GALNTL6: variants seen among roughly 807,000 people sequenced by gnomAD.
GALNTL6 encodes the protein polypeptide N-acetylgalactosaminyltransferase-like 6.
In GALNTL6, 46 loss-of-function variants were observed where a neutral mutation model predicts 73.7. The ratio of observed to expected loss-of-function variants is 0.62; its 90% CI spans 0.49 to 0.80. The LOEUF (loss-of-function observed/expected upper bound fraction) is 0.80. GALNTL6 is among the 30% of genes least tolerant of loss of function. GALNTL6 has a pLI of 0.00. For missense variants in GALNTL6, 604 were observed against 755.0 expected (o/e 0.80, Z 2.34); for synonymous variants, 259 against 263.7 (o/e 0.98, Z 0.17).
At chr4:171,924,161 T>TA (rs201101346) in intron 2 of GALNTL6, among the ~76,000 whole-genome samples, 12 of 142,112 alleles carry the variant, frequency 8.4e-5, no homozygotes, top group East Asian at 2.1e-4. Flanking sequence ...ATAAATTGGT[T>TA]AAAAAAAATA....
At chr4:172,079,904 G>A (rs966513667) in intron 2 of GALNTL6, among the ~76,000 whole-genome samples, 4 of 151,518 alleles carry the variant, frequency 2.6e-5, no homozygotes, top group Non-Finnish European at 5.9e-5. Flanking sequence ...TTTTCTTATG[G>A]AAACAATGTT....
At chr4:172,436,509 A>C (rs1731640445) in intron 5 of GALNTL6, among the ~76,000 whole-genome samples, 1 of 152,050 alleles carries the variant, frequency 6.6e-6, no homozygotes, top group Admixed American at 6.6e-5. Flanking sequence ...CTTTTTCATA[A>C]ACAGAACTTC....
At chr4:172,691,257 T>C (rs1178172079) in intron 5 of GALNTL6, among the ~76,000 whole-genome samples, 2 of 152,066 alleles carry the variant, frequency 1.3e-5, no homozygotes, top group East Asian at 3.9e-4. Flanking sequence ...CATGAATATC[T>C]GGACAGAGGG....
chr4:172,865,711 C>T (rs1401318417), intron 7 of GALNTL6, among the ~76,000 whole-genome samples: 2 of 152,114 alleles, frequency 1.3e-5, no homozygotes, highest in African/African-American at 4.8e-5. Flanking sequence ...TGGCTTCTGT[C>T]ACGTGATTTT....
intron 5 of GALNTL6, among the ~76,000 whole-genome samples, chr4:172,440,980 A>G (rs914902111): frequency 6.6e-6 from 1 of 151,992 alleles, no homozygotes; most frequent in Admixed American, 6.6e-5. Context: ...TAGAGTGTTG[A>G]GTCATATTTA....
chr4:172,785,493 A>C (rs889046418), intron 5 of GALNTL6, among the ~76,000 whole-genome samples: 1 of 152,166 alleles, frequency 6.6e-6, no homozygotes, highest in African/African-American at 2.4e-5. Context: ...ATGGCTATTT[A>C]TTGAGGGCCT....
chr4:171,951,069 C>T (rs1444087206), intron 2 of GALNTL6, among the ~76,000 whole-genome samples: 1 of 152,028 alleles, frequency 6.6e-6, no homozygotes, highest in Non-Finnish European at 1.5e-5. Context: ...GGAATAAACA[C>T]ACTATTTGAA....
rs553453964 is a variant in GALNTL6 at position 172,382,869 on chromosome 4, G to A, written c.553+34180G>A. Among the ~76,000 whole-genome samples, 13 of 151,114 alleles carry A rather than the reference G, an allele frequency of 8.6e-5. No homozygotes were observed. In the South Asian group the frequency reaches 2.8e-3, roughly 32 times the overall value. ...ATAATTGGGTTGAAAAGGCAATTGT[G>A]AAGACTATTTTCACACAATTTTTAA... On this transcript the variant is annotated intron_variant, in intron 5 of 12. Transcript: ENST00000506823.
chr4:172,186,082 T>C (rs1181627573), intron 2 of GALNTL6, among the ~76,000 whole-genome samples: 1 of 152,178 alleles, frequency 6.6e-6, no homozygotes, highest in Non-Finnish European at 1.5e-5. Context: ...TTAAAATTAC[T>C]GTGTGATACA....
chr4:172,074,018 A>T (rs2110907670), intron 2 of GALNTL6, among the ~76,000 whole-genome samples: 1 of 151,918 alleles, frequency 6.6e-6, no homozygotes, highest in Non-Finnish European at 1.5e-5. Context: ...CCTTATCTCT[A>T]CTCCCTCACC....
In GALNTL6 at chr4:172,615,192, A is replaced by T. The variant is rs200501500; in HGVS notation, c.554-194169A>T. Among the ~76,000 whole-genome samples the T allele has an allele frequency of 4.7e-4, 71 of 150,460 alleles. No homozygotes were observed. In the East Asian group the frequency reaches 8.6e-3, roughly 18 times the overall value. ...GCTGTTAATAAGGCAGGTAGTTTAA[A>T]AAAAAAAAAAAAGACTAGTCTAATA... On this transcript the variant is annotated intron_variant, in intron 5 of 12. Coordinates refer to ENST00000506823, the MANE Select transcript of GALNTL6 (RefSeq NM_001034845.3).
At position 172,931,142 on chromosome 4, in the gene GALNTL6, T is replaced by C. The variant is rs753419008; in HGVS notation, c.1042-19T>C. ...TGTGAAATTCACTGTTGTCTTTTGT[T>C]CTATTTTTCCCTCTTCAGGTTTGGA... is the stretch of plus-strand genomic sequence containing the variant. On this transcript the variant is annotated intron_variant, in intron 8 of 12. Coordinates refer to ENST00000506823, the MANE Select transcript of GALNTL6 (RefSeq NM_001034845.3). 4 of 1,344,278 alleles carry C rather than the reference T, an allele frequency of 3.0e-6. No individual in the cohort carries two copies. Among genetic ancestry groups the C allele is most frequent in the Non-Finnish European group, 3.2e-6 (3 of 933,826 alleles). 83.3% of individuals were successfully genotyped at this position (1,344,278 alleles called of 1,614,324 possible). A position where few individuals can be genotyped will look rare whatever the true frequency, so the allele number is the denominator to read the frequency against.
At chr4:172,945,652 A>C (rs1451298016) in intron 9 of GALNTL6, among the ~76,000 whole-genome samples, 1 of 152,220 alleles carries the variant, frequency 6.6e-6, no homozygotes, top group Non-Finnish European at 1.5e-5. Context: ...ACCCTTGTTC[A>C]TGACAGCCCA....
intron 10 of GALNTL6, among the ~76,000 whole-genome samples, chr4:172,982,144 T>G (rs896363300): frequency 2.6e-5 from 4 of 152,172 alleles, no homozygotes; most frequent in African/African-American, 9.7e-5. Context: ...CAGACATCTT[T>G]CCATCTACTT....
At chr4:172,962,316 A>T (rs1037687869) in intron 10 of GALNTL6, among the ~76,000 whole-genome samples, 1 of 152,234 alleles carries the variant, frequency 6.6e-6, no homozygotes, top group Non-Finnish European at 1.5e-5. Flanking sequence ...CCTGACATTT[A>T]CCACATTAAC....
At chr4:172,965,628 AAAAC>A (rs1365954299) in intron 10 of GALNTL6, among the ~76,000 whole-genome samples, 3 of 142,236 alleles carry the variant, frequency 2.1e-5, no homozygotes, top group Non-Finnish European at 4.8e-5. Flanking sequence ...TAAAAAAAAA[AAAAC>A]AATTTTAATT....
intron 2 of GALNTL6, among the ~76,000 whole-genome samples, chr4:171,887,196 G>A (rs1736629508): frequency 6.6e-6 from 1 of 152,244 alleles, no homozygotes; most frequent in Non-Finnish European, 1.5e-5. Flanking sequence ...CCCTTTGTGA[G>A]GGAGGAACTC....
chr4:171,965,093 C>T (rs1421618172), intron 2 of GALNTL6, among the ~76,000 whole-genome samples: 1 of 152,166 alleles, frequency 6.6e-6, no homozygotes, highest in African/African-American at 2.4e-5. Flanking sequence ...TACCATTCTG[C>T]CTTAGAATGC....
intron 5 of GALNTL6, among the ~76,000 whole-genome samples, chr4:172,482,889 A>G (rs1398184077): frequency 6.6e-6 from 1 of 152,228 alleles, no homozygotes; most frequent in Non-Finnish European, 1.5e-5. Flanking sequence ...TAATTCATTT[A>G]TAAAAACTCT....
Sources: allele counts gnomAD v4.1 joint callset (sites outside exome capture counted in the v4.1 genomes callset), GRCh38; gene constraint gnomAD v4.1.1; transcripts MANE v1.5; gene names NCBI Gene and HGNC (gene_info 2026-07-23, HGNC 2026-07-21).